The following PSD3 variants were observed in gnomAD, a reference collection of about 807,000 sequenced individuals.
The protein encoded by PSD3 is pleckstrin and Sec7 domain containing 3.
In PSD3, 49 loss-of-function variants were observed where a neutral mutation model predicts 105.5. The observed-to-expected ratio is 0.46, with a 90% CI of 0.37 to 0.59. The LOEUF (loss-of-function observed/expected upper bound fraction) is 0.59. Ranked by LOEUF, PSD3 falls within the 20% of genes least tolerant of loss-of-function variation. The pLI, the probability that PSD3 is intolerant of heterozygous loss-of-function variation, is 0.00. For missense variants in PSD3, 1,561 were observed against 1,263.8 expected, an observed-to-expected ratio of 1.24 and a Z score of -3.57; for synonymous variants, 557 against 457.8, an observed-to-expected ratio of 1.22 and a Z score of -2.77.
At chr8:18,598,841 C>G (rs1314598914) in intron 12 of PSD3, among the ~76,000 whole-genome samples, 1 of 151,836 alleles carries the variant, frequency 6.6e-6, no homozygotes. Flanking sequence ...ATCAAGAAGG[C>G]AAAAGACATA....
At chr8:18,779,054 A>G (rs972475785) in intron 8 of PSD3, among the ~76,000 whole-genome samples, 1 of 152,174 alleles carries the variant, frequency 6.6e-6, no homozygotes, top group African/African-American at 2.4e-5. Flanking sequence ...GTAAGTTTGT[A>G]GCATTCAGCA....
chr8:18,666,977 C>A (rs897688176), intron 9 of PSD3, among the ~76,000 whole-genome samples: 1 of 152,082 alleles, frequency 6.6e-6, no homozygotes, highest in Non-Finnish European at 1.5e-5. Context: ...TCATTCCTCC[C>A]GGTGGGTTCA....
chr8:18,575,314 CA>C (rs1330350574), intron 12 of PSD3, 29 bp from the exon 13 acceptor site: 1 of 1,502,740 alleles, frequency 6.7e-7, no homozygotes, highest in Non-Finnish European at 8.9e-7. Flanking sequence ...AAAATAAAGG[CA>C]AAAATCACGA....
intron 2 of PSD3, among the ~76,000 whole-genome samples, chr8:18,908,658 G>T (rs932025943): frequency 6.6e-6 from 1 of 152,148 alleles, no homozygotes; most frequent in Non-Finnish European, 1.5e-5. Flanking sequence ...CATGAAACAA[G>T]TCATCTGTTC....
intron 2 of PSD3, among the ~76,000 whole-genome samples, chr8:18,913,474 C>T (rs961533320): frequency 6.6e-6 from 1 of 152,162 alleles, no homozygotes; most frequent in Non-Finnish European, 1.5e-5. Flanking sequence ...CACCCACAGA[C>T]CCAGAAACCA....
chr8:19,014,633 C>T (rs983678793), upstream of PSD3, among the ~76,000 whole-genome samples: 5 of 152,150 alleles, frequency 3.3e-5, no homozygotes, highest in African/African-American at 1.2e-4. This position sits in a 1 kb window ranked among gnomAD's most constrained non-coding sequence, Gnocchi z 4.9. Flanking sequence ...TATGTGTTAC[C>T]GCCTTATTGT....
At chr8:18,593,550 G>T (rs1803771443) in intron 12 of PSD3, among the ~76,000 whole-genome samples, 1 of 152,142 alleles carries the variant, frequency 6.6e-6, no homozygotes, top group African/African-American at 2.4e-5. Context: ...TTCAACCATT[G>T]TGGAAGACAG....
intron 1 of PSD3, among the ~76,000 whole-genome samples, chr8:18,990,093 C>T (rs1370284771): frequency 6.6e-6 from 1 of 152,208 alleles, no homozygotes; most frequent in African/African-American, 2.4e-5. Context: ...CAGCTGCCAC[C>T]ATCCCTGTCC....
intron 1 of PSD3, among the ~76,000 whole-genome samples, chr8:19,064,528 TC>T (rs111488903): frequency 0.035 from 5,316 of 152,208 alleles, 277 homozygotes; most frequent in African/African-American, 0.12. Context: ...TTAGGGACAT[TC>T]CAATGGCTTC....
At chr8:19,022,884 T>C (rs1827409571) in intron 1 of PSD3, among the ~76,000 whole-genome samples, 1 of 150,856 alleles carries the variant, frequency 6.6e-6, no homozygotes, top group African/African-American at 2.4e-5. Flanking sequence ...TTTTAATCTG[T>C]GCATGGGGTA....
chr8:18,582,272 T>G lies in PSD3; in HGVS notation c.2482-6987A>C, dbSNP rs28698482. ...CTGCCTTCCACGCTCACCACTGCAC[T>G]GAAACTGCTTTATCGATAATTTCCT... On this transcript the variant is annotated intron_variant, in intron 12 of 15. Transcript: ENST00000327040. Among the ~76,000 whole-genome samples the G allele has an allele frequency of 3.2e-3, 487 of 152,306 alleles. 4 individuals carry two copies. Among genetic ancestry groups the G allele is most frequent in the African/African-American group, 0.011 (459 of 41,574 alleles).
chr8:18,920,403 A>C (rs1031352805), intron 2 of PSD3, among the ~76,000 whole-genome samples: 1 of 152,190 alleles, frequency 6.6e-6, no homozygotes, highest in African/African-American at 2.4e-5. Context: ...CTTGTACCTA[A>C]AGGAGAATCA....
chr8:18,753,117 G>T (rs1348468512), intron 9 of PSD3, among the ~76,000 whole-genome samples: 1 of 152,090 alleles, frequency 6.6e-6, no homozygotes, highest in Non-Finnish European at 1.5e-5. Flanking sequence ...AGCACTCTGG[G>T]AAGCCGAGGC....
rs143120691 is a variant in PSD3 at position 18,660,090 on chromosome 8, T to C, written c.2173-4405A>G. 6.8e-4 allele frequency among the ~76,000 whole-genome samples: 104 copies of C among 152,224 alleles called. 1 individual carries two copies. The East Asian group carries it at 0.019, about 28-fold the overall frequency. ...TCTAGAACTTGTGAATGTTACCTTA[T>C]ATGGCAAAAACTTTAAAGATGTGAT... is the stretch of plus-strand genomic sequence containing the variant. On this transcript the variant is annotated intron_variant, in intron 9 of 15. Transcript: ENST00000327040.
intron 10 of PSD3, among the ~76,000 whole-genome samples, chr8:18,636,125 T>TG (rs1279508834): frequency 6.6e-6 from 1 of 152,168 alleles, no homozygotes; most frequent in African/African-American, 2.4e-5. Flanking sequence ...GACCTTCCAG[T>TG]GGGACAATAC....
upstream of PSD3, among the ~76,000 whole-genome samples, chr8:19,017,862 T>A (rs1316276240): frequency 6.6e-6 from 1 of 152,220 alleles, no homozygotes; most frequent in Non-Finnish European, 1.5e-5. Context: ...AACACTACTA[T>A]AAAAATTTAT....
At chr8:18,562,035 G>C (rs1046246428) in intron 14 of PSD3, among the ~76,000 whole-genome samples, 6 of 152,212 alleles carry the variant, frequency 3.9e-5, no homozygotes, top group Non-Finnish European at 7.4e-5. Context: ...CAATAAAATA[G>C]AAATGCAGAT....
At chr8:18,611,251 G>GAAA (rs138669050) in intron 11 of PSD3, among the ~76,000 whole-genome samples, 24 of 128,936 alleles carry the variant, frequency 1.9e-4, no homozygotes, top group East Asian at 1.8e-3. Context: ...TAGGATTTTG[G>GAAA]AAAAAAAAAA....
intron 8 of PSD3, among the ~76,000 whole-genome samples, chr8:18,769,036 G>A (rs536024263): frequency 2.0e-5 from 3 of 152,278 alleles, no homozygotes; most frequent in East Asian, 1.9e-4. Context: ...TACTGAAGAC[G>A]ACAATAACTC....
Sources: allele counts gnomAD v4.1 joint callset (sites outside exome capture counted in the v4.1 genomes callset), GRCh38; gene constraint gnomAD v4.1.1; non-coding constraint Gnocchi (gnomAD v3.1); transcripts MANE v1.5; gene names NCBI Gene and HGNC (gene_info 2026-07-23, HGNC 2026-07-21).